Variants in ENPEP observed in about 807,000 individuals in gnomAD.
ENPEP encodes AP-A.
In ENPEP, 103 loss-of-function variants were observed where a neutral mutation model predicts 114.5. The observed-to-expected ratio is 0.90, with a 90% CI of 0.77 to 1.06. The LOEUF (loss-of-function observed/expected upper bound fraction) is 1.06, where lower values mean the gene tolerates loss of function less well. Among genes scored for constraint, ENPEP ranks in the 50% least tolerant of loss-of-function variants. The probability of loss-of-function intolerance (pLI) is 0.00; values close to 1 mark genes in which losing one functional copy is unlikely to be tolerated. For missense variants in ENPEP, 1,196 were observed against 1,161.3 expected (o/e 1.03, Z -0.43); for synonymous variants, 420 against 422.0 (o/e 1.00, Z 0.06).
At position 110,557,019 on chromosome 4, in the gene ENPEP, T is replaced by C. The variant is rs563341998; in HGVS notation, c.2643-2628T>C. ...CTTTATTATACGTAAATTATTAAAG[T>C]ATAAAAAAGTTCAGGTCTTAGGCAA... On this transcript the variant is annotated intron_variant, in intron 18 of 19. Coordinates refer to ENST00000265162, the MANE Select transcript of ENPEP (RefSeq NM_001977.4). Among the ~76,000 whole-genome samples the C allele has an allele frequency of 8.1e-4, 123 of 152,210 alleles. 1 individual carries two copies. The highest frequency in any genetic ancestry group is 8.0e-3 in the Admixed American group (123 of 15,282).
intron 3 of ENPEP, among the ~76,000 whole-genome samples, chr4:110,500,687 C>A (rs1445660301): frequency 6.6e-6 from 1 of 152,308 alleles, no homozygotes; most frequent in East Asian, 1.9e-4. Flanking sequence ...ATGCATCCCT[C>A]CTCACTCCAT....
At chr4:110,519,641 AT>A in intron 8 of ENPEP, 1 of 168,716 alleles carries the variant, frequency 5.9e-6, no homozygotes, top group African/African-American at 4.1e-5. Flanking sequence ...CACCACCACC[AT>A]CATCATCATT....
intron 11 of ENPEP, among the ~76,000 whole-genome samples, chr4:110,535,124 T>G (rs1183271809): frequency 6.6e-6 from 1 of 152,228 alleles, no homozygotes; most frequent in African/African-American, 2.4e-5. Context: ...AAGGTTGTTA[T>G]ATGGTGTCAG....
intron 3 of ENPEP, among the ~76,000 whole-genome samples, chr4:110,496,685 G>C (rs747762597): frequency 2.6e-5 from 4 of 152,108 alleles, no homozygotes; most frequent in Non-Finnish European, 4.4e-5. Context: ...TAAGAGTACT[G>C]TTCAGGTATT....
chr4:110,476,481 T>C lies in ENPEP; in HGVS notation c.67T>C (p.Cys23Arg), dbSNP rs2110327026. ...CIQTKHVAIL[C>R]AVVVGVGLIV... ...TCAAACGAAACATGTGGCCATTCTC[T>C]GTGCGGTGGTGGTGGGTGTAGGATT... Residue 23 changes from cysteine to arginine, a missense_variant, in exon 1 of 20, where the codon TGT (cysteine) becomes CGT (arginine). Cys to Arg is a radical substitution (Grantham distance 180). Coordinates refer to ENST00000265162, the MANE Select transcript of ENPEP (RefSeq NM_001977.4). 1 of 1,567,990 alleles carries C rather than the reference T, an allele frequency of 6.4e-7. No homozygotes were observed. Among genetic ancestry groups the C allele is most frequent in the Non-Finnish European group, 8.7e-7 (1 of 1,153,872 alleles).
In ENPEP at chr4:110,476,528, C is replaced by T; in HGVS notation, c.114C>T (p.Gly38=). The change falls in exon 1 of 20, where the codon GGC becomes GGT. Residue 38 remains glycine (G), a synonymous_variant. Coordinates refer to ENST00000265162, the MANE Select transcript of ENPEP (RefSeq NM_001977.4). ...GVGLIVGLAV[G]LTRSCDSSGD... is the part of the protein sequence containing the mutation. ...GATTAATAGTGGGACTTGCCGTGGG[C>T]TTGACCAGATCGTGTGACTCCAGCG... The T allele has an allele frequency of 6.2e-7, 1 of 1,608,450 alleles. No individual in the cohort carries two copies. Among genetic ancestry groups the T allele is most frequent in the Non-Finnish European group, 8.5e-7 (1 of 1,176,570 alleles).
chr4:110,564,782 G>T lies in ENPEP; in HGVS notation c.*3224G>T, dbSNP rs1352584874. ...GCCAGTGAAACAGAGTGAAAATGATGTATGTCAATTTTAGGCAGAAACGTC... is the reference window on the plus strand; with the variant it reads ...GCCAGTGAAACAGAGTGAAAATGATTTATGTCAATTTTAGGCAGAAACGTC... On this transcript the variant is annotated 3_prime_UTR_variant, in exon 20 of 20. Coordinates refer to ENST00000265162, the MANE Select transcript of ENPEP (RefSeq NM_001977.4). 6.6e-6 allele frequency: 1 copy of T among 152,138 alleles called. No homozygotes were observed. Among genetic ancestry groups the T allele is most frequent in the Non-Finnish European group, 1.5e-5 (1 of 68,024 alleles). 9.4% of individuals were successfully genotyped at this position (152,138 alleles called of 1,614,324 possible).
intron 13 of ENPEP, among the ~76,000 whole-genome samples, chr4:110,546,744 C>T (rs1348556510): frequency 6.6e-6 from 1 of 152,110 alleles, no homozygotes; most frequent in Non-Finnish European, 1.5e-5. Flanking sequence ...TTCCCATCCT[C>T]TCATGGACTT....
chr4:110,495,579 G>A (rs1040683041), intron 3 of ENPEP, among the ~76,000 whole-genome samples: 7 of 152,056 alleles, frequency 4.6e-5, no homozygotes, highest in African/African-American at 1.7e-4. Context: ...AAATCAGCCG[G>A]GCGTGATGGT....
rs1189908967 is a variant in ENPEP at position 110,476,268 on chromosome 4, G to A, written c.-147G>A. The A allele has an allele frequency of 1.4e-5, 13 of 954,518 alleles. No homozygotes were observed. The highest frequency in any genetic ancestry group is 1.2e-4 in the Admixed American group (4 of 33,338). 59.1% of individuals were successfully genotyped at this position (954,518 alleles called of 1,614,324 possible). On this transcript the variant is annotated 5_prime_UTR_variant, in exon 1 of 20. Coordinates refer to ENST00000265162, the MANE Select transcript of ENPEP (RefSeq NM_001977.4). ...AACGTGAAAAGGGAGAGGAAAAGGCGCAAGAAGCCAGAGAGAGGGGTGTGG... is the reference window on the plus strand; with the variant it reads ...AACGTGAAAAGGGAGAGGAAAAGGCACAAGAAGCCAGAGAGAGGGGTGTGG...
In ENPEP at chr4:110,476,890, G is replaced by A; in HGVS notation, c.476G>A (p.Arg159Lys). 6.2e-7 allele frequency: 1 copy of A among 1,614,150 alleles called. No individual in the cohort carries two copies. Among genetic ancestry groups the A allele is most frequent in the Non-Finnish European group, 8.5e-7 (1 of 1,180,030 alleles). ...RPSGDQVQVR[R>K]CFEYKKQEYV... Reference sequence around the variant, plus strand: ...TCTGGGGACCAGGTGCAAGTCCGGAGGTGTTTCGAGTACAAAAAGCAGGAG... The same window carrying A: ...TCTGGGGACCAGGTGCAAGTCCGGAAGTGTTTCGAGTACAAAAAGCAGGAG... Residue 159 changes from arginine (R) to lysine (K), a missense_variant, in exon 1 of 20, where the codon AGG (arginine) becomes AAG (lysine). Physicochemically the swap from Arg to Lys is conservative, Grantham distance 26 (BLOSUM62 2). Transcript: ENST00000265162.
At chr4:110,480,718 G>T (rs1332750392) in intron 1 of ENPEP, among the ~76,000 whole-genome samples, 1 of 152,150 alleles carries the variant, frequency 6.6e-6, no homozygotes, top group Non-Finnish European at 1.5e-5. Context: ...TTTCTCTCAA[G>T]ATTGAGACAT....
In ENPEP at chr4:110,564,528, T is replaced by C. The variant is rs1392168523; in HGVS notation, c.*2970T>C. The C allele has an allele frequency of 6.6e-6, 1 of 152,212 alleles. No individual in the cohort carries two copies. The highest frequency in any genetic ancestry group is 1.5e-5 in the Non-Finnish European group (1 of 68,032). The allele number at this position is 152,212 out of a possible 1,614,324, so 9.4% of individuals were successfully genotyped here. A position where few individuals can be genotyped will look rare whatever the true frequency, so the allele number is the denominator to read the frequency against. On this transcript the variant is annotated 3_prime_UTR_variant, in exon 20 of 20. Coordinates refer to ENST00000265162, the MANE Select transcript of ENPEP (RefSeq NM_001977.4). Reference sequence around the variant, plus strand: ...GAAATAACAATCACTCAATAAGTGTTAGCTCTTATTATTGTTACTATTATA... The same window carrying C: ...GAAATAACAATCACTCAATAAGTGTCAGCTCTTATTATTGTTACTATTATA...
chr4:110,522,011 TG>T (rs1243630926), intron 10 of ENPEP, among the ~76,000 whole-genome samples: 1 of 151,918 alleles, frequency 6.6e-6, no homozygotes, highest in East Asian at 1.9e-4. Context: ...CCCAAGTAGC[TG>T]GGATTACAGG....
At chr4:110,521,520 T>C (rs551329968) in intron 10 of ENPEP, among the ~76,000 whole-genome samples, 1 of 152,012 alleles carries the variant, frequency 6.6e-6, no homozygotes, top group Admixed American at 6.5e-5. Flanking sequence ...ATGACAAAGA[T>C]CACAAGATAC....
At chr4:110,517,429 T>C (rs971620814) in intron 8 of ENPEP, among the ~76,000 whole-genome samples, 5 of 152,218 alleles carry the variant, frequency 3.3e-5, no homozygotes, top group African/African-American at 1.2e-4. Flanking sequence ...AAGTTAAAAT[T>C]CAGTTTGTAT....
intron 6 of ENPEP, among the ~76,000 whole-genome samples, chr4:110,511,873 C>G (rs1027150755): frequency 6.6e-6 from 1 of 152,022 alleles, no homozygotes; most frequent in Non-Finnish European, 1.5e-5. Flanking sequence ...AAGCAATTCT[C>G]CTGCCTCAGC....
chr4:110,554,527 G>A (rs2110399764), intron 18 of ENPEP, among the ~76,000 whole-genome samples: 1 of 151,956 alleles, frequency 6.6e-6, no homozygotes, highest in Middle Eastern at 3.4e-3. Context: ...ATGAAGATTG[G>A]TTGGTGTGCA....
chr4:110,554,141 T>C (rs923417864), intron 18 of ENPEP, among the ~76,000 whole-genome samples: 4 of 151,922 alleles, frequency 2.6e-5, no homozygotes, highest in Non-Finnish European at 5.9e-5. Flanking sequence ...CAAAATAGAA[T>C]ATAGAATAAA....
Sources: gnomAD v4.1 joint callset for allele counts (sites outside exome capture counted in the v4.1 genomes callset) on GRCh38, gnomAD v4.1.1 for gene constraint, MANE v1.5 for transcripts, NCBI Gene and HGNC (gene_info 2026-07-23, HGNC 2026-07-21) for gene names.